The following PPIL2 variants were observed in gnomAD, a reference collection of about 807,000 sequenced individuals.
PPIL2 encodes the protein RING-type E3 ubiquitin-protein ligase PPIL2.
In PPIL2, 50 loss-of-function variants were observed where a neutral mutation model predicts 75.2. The ratio of observed to expected loss-of-function variants is 0.66; its 90% CI spans 0.53 to 0.84. PPIL2 has a LOEUF of 0.84. Among genes scored for constraint, PPIL2 ranks in the 40% least tolerant of loss-of-function variants. PPIL2 has a pLI of 0.00. For missense variants in PPIL2, 590 were observed against 685.0 expected, an observed-to-expected ratio of 0.86 and a Z score of 1.55; for synonymous variants, 245 against 258.8, an observed-to-expected ratio of 0.95 and a Z score of 0.51.
At chr22:21,673,328 C>A (rs397422) in intron 5 of PPIL2, among the ~76,000 whole-genome samples, 1 of 152,014 alleles carries the variant, frequency 6.6e-6, no homozygotes, top group South Asian at 2.1e-4. Context: ...CAGCAGAGGT[C>A]CCTGCTGCCT....
At chr22:21,694,197 A>G (rs1274570745) in intron 16 of PPIL2, among the ~76,000 whole-genome samples, 2 of 152,016 alleles carry the variant, frequency 1.3e-5, no homozygotes, top group African/African-American at 4.8e-5. Flanking sequence ...GGGTCTTTCC[A>G]GCGTTGTGGG....
intron 15 of PPIL2, 84 bp from the exon 16 acceptor site, chr22:21,693,732 G>A: frequency 1.5e-6 from 2 of 1,349,870 alleles, no homozygotes; most frequent in Non-Finnish European, 2.1e-6. Context: ...GGCTGTAGAG[G>A]GTGGGCAGCT....
intron 5 of PPIL2, among the ~76,000 whole-genome samples, chr22:21,674,672 G>T (rs2066763104): frequency 6.6e-6 from 1 of 152,172 alleles, no homozygotes; most frequent in Non-Finnish European, 1.5e-5. Context: ...CTGTACTCCA[G>T]CCTGGTGACA....
chr22:21,692,303 C>T (rs907891706), intron 15 of PPIL2, among the ~76,000 whole-genome samples: 1 of 151,960 alleles, frequency 6.6e-6, no homozygotes, highest in Non-Finnish European at 1.5e-5. Context: ...CTACAGGCGC[C>T]CGCCACACGC....
Position 21,696,667 on chromosome 22 carries a change from T to C in PPIL2, c.*1177T>C. ...TTGCCCTCAGGCCACCCCCCACTTC[T>C]AGTTCTTCACACTAAGCCCTAACTT... On this transcript the variant is annotated 3_prime_UTR_variant, in exon 20 of 20. Coordinates refer to ENST00000398831, the MANE Select transcript of PPIL2 (RefSeq NM_014337.4). 2.0e-6 allele frequency: 3 copies of C among 1,530,928 alleles called. No homozygotes were observed. The highest frequency in any genetic ancestry group is 2.6e-6 in the Non-Finnish European group (3 of 1,144,286). 94.8% of individuals were successfully genotyped at this position (1,530,928 alleles called of 1,614,324 possible). A position where few individuals can be genotyped will look rare whatever the true frequency, so the allele number is the denominator to read the frequency against.
At chr22:21,670,246 T>C in intron 2 of PPIL2, 2 of 1,230,014 alleles carry the variant, frequency 1.6e-6, no homozygotes, top group African/African-American at 3.1e-5. Flanking sequence ...TACATTTAAA[T>C]GTTTTTTCTC....
rs541999495 is a variant in PPIL2, at chr22:21,675,032, T to C, written c.244-32T>C. 1.5e-4 allele frequency: 229 copies of C among 1,573,732 alleles called. 2 individuals are homozygous for C. In the South Asian group the frequency reaches 2.5e-3, roughly 17 times the overall value. On this transcript the variant is annotated intron_variant, in intron 5 of 19. Transcript: ENST00000398831. ...TCTCTGTGCATCAGTTACTTATTCA[T>C]TATCATTAATTATTAACTGTGCTTC...
rs1213871195 is a variant in PPIL2 at position 21,686,938 on chromosome 22, GGGCTACGTGC to G, written c.842_851del (p.Tyr281CysfsTer16). On this transcript the variant is annotated frameshift_variant, in exon 12 of 20. Transcript: ENST00000398831. LOFTEE classifies it high-confidence loss of function. ...TGCGCTACCAGTTTGTGAAGAAGAA[GGGCTACGTGC>G]GGCTGCACACCAACAAGGGCGACCT... is the stretch of plus-strand genomic sequence containing the variant. 1.2e-6 allele frequency: 2 copies of G among 1,614,012 alleles called. No individual in the cohort carries two copies. The highest frequency in any genetic ancestry group is 2.7e-5 in the African/African-American group (2 of 74,922).
At chr22:21,670,408 T>C (rs2066586644) in intron 2 of PPIL2, 158 bp from the exon 3 acceptor site, 2 of 1,473,772 alleles carry the variant, frequency 1.4e-6, no homozygotes, top group Admixed American at 5.0e-5. Flanking sequence ...CCCAAGTGTT[T>C]TGGTTTATCT....
chr22:21,683,229 G>A lies in PPIL2; in HGVS notation c.525G>A (p.Val175=), dbSNP rs964858349. 8 of 1,613,106 alleles carry A rather than the reference G, an allele frequency of 5.0e-6. No individual in the cohort carries two copies. Among genetic ancestry groups the A allele is most frequent in the Non-Finnish European group, 6.8e-6 (8 of 1,179,122 alleles). Residue 175 remains valine, a synonymous_variant, in exon 9 of 20, where the codon GTG becomes GTA. Coordinates refer to ENST00000398831, the MANE Select transcript of PPIL2 (RefSeq NM_014337.4). ...TCAATGTCTCTAACTTCTATCATGT[G>A]AAGAATAACATGAAAATAATAGACC... ...DKFNVSNFYH[V]KNNMKIIDPD... is the part of the protein sequence containing the mutation.
chr22:21,682,382 C>T, intron 7 of PPIL2, 55 bp from the exon 8 acceptor site: 6 of 1,485,656 alleles, frequency 4.0e-6, no homozygotes, highest in Admixed American at 1.7e-5. Flanking sequence ...TGCTTGCAGT[C>T]CCCTGTGCCA....
chr22:21,694,004 G>C lies in PPIL2; in HGVS notation c.1196+132G>C, dbSNP rs2067799094. On this transcript the variant is annotated intron_variant, in intron 16 of 19. Coordinates refer to ENST00000398831, the MANE Select transcript of PPIL2 (RefSeq NM_014337.4). Reference sequence around the variant, plus strand: ...ATGCTGGCCATCACTGCTGGGGGTTGAGGCTATGCAGAGCTGCGATGGAGG... The same window carrying C: ...ATGCTGGCCATCACTGCTGGGGGTTCAGGCTATGCAGAGCTGCGATGGAGG... 3 of 1,023,118 alleles carry C rather than the reference G, an allele frequency of 2.9e-6. No homozygotes were observed. The East Asian group carries it at 7.6e-5, about 26-fold the overall frequency. 63.4% of individuals were successfully genotyped at this position (1,023,118 alleles called of 1,614,324 possible).
chr22:21,683,317 C>T (rs945438889), intron 9 of PPIL2, 60 bp downstream of exon 9: 2 of 1,445,432 alleles, frequency 1.4e-6, no homozygotes, highest in Admixed American at 1.7e-5. Context: ...TGGGACAGTG[C>T]TCCCTGGGTA....
intron 7 of PPIL2, among the ~76,000 whole-genome samples, chr22:21,681,746 C>T (rs2067139490): frequency 6.6e-6 from 1 of 152,246 alleles, no homozygotes; most frequent in South Asian, 2.1e-4. Context: ...GTGCTCGCCC[C>T]GGATCTGGAT....
At position 21,683,031 on chromosome 22, in the gene PPIL2, C is replaced by T. The variant is rs559299031; in HGVS notation, c.478-151C>T. 6 of 727,218 alleles carry T rather than the reference C, an allele frequency of 8.3e-6. No individual in the cohort carries two copies. In the African/African-American group the frequency reaches 1.0e-4, roughly 13 times the overall value. The allele number at this position is 727,218 out of a possible 1,614,324, so 45.0% of individuals were successfully genotyped here. On this transcript the variant is annotated intron_variant, in intron 8 of 19. Transcript: ENST00000398831. The stretch of plus-strand genomic sequence containing the variant: ...TTGCTGCCCTGCCTGGGGCAGACCA[C>T]CTCCTCCCTCATGCCCTGCTTGACT...
chr22:21,681,237 C>A, intron 6 of PPIL2, 62 bp from the exon 7 acceptor site: 1 of 1,392,440 alleles, frequency 7.2e-7, no homozygotes, highest in Non-Finnish European at 1.0e-6. Flanking sequence ...CTCTGCGGTC[C>A]TCACTGGGAT....
intron 15 of PPIL2, among the ~76,000 whole-genome samples, chr22:21,693,479 TCTGGTTTTC>T (rs1199420304): frequency 1.3e-5 from 2 of 152,240 alleles, no homozygotes; most frequent in Non-Finnish European, 2.9e-5. Context: ...TGGGGCTGGC[TCTGGTTTTC>T]CAGGTGTCCC....
At chr22:21,674,323 A>G (rs2066749290) in intron 5 of PPIL2, among the ~76,000 whole-genome samples, 1 of 152,242 alleles carries the variant, frequency 6.6e-6, no homozygotes, top group Admixed American at 6.5e-5. Flanking sequence ...TACTGCAGAC[A>G]CACCACAGAA....
chr22:21,694,434 C>T (rs1361472474), intron 16 of PPIL2, among the ~76,000 whole-genome samples, 159 bp from the exon 17 acceptor site: 1 of 152,152 alleles, frequency 6.6e-6, no homozygotes. Flanking sequence ...CAGCCGACCC[C>T]GCCCTTGCCA....
Sources: allele counts gnomAD v4.1 joint callset (sites outside exome capture counted in the v4.1 genomes callset), GRCh38; gene constraint gnomAD v4.1.1; transcripts MANE v1.5; gene names NCBI Gene and HGNC (gene_info 2026-07-23, HGNC 2026-07-21).